The following CENPP variants were observed in gnomAD, a reference collection of about 807,000 sequenced individuals.
CENPP encodes the protein centromere protein P.
Under a neutral mutation model 35.6 loss-of-function variants are expected in CENPP, and 24 were observed. The ratio of observed to expected loss-of-function variants is 0.67; its 90% CI spans 0.49 to 0.95. The LOEUF is 0.95. Ranked by LOEUF, CENPP falls within the 40% of genes least tolerant of loss-of-function variation. CENPP has a pLI of 0.00. For missense variants in CENPP, 332 were observed against 345.3 expected, an observed-to-expected ratio of 0.96 and a Z score of 0.31; for synonymous variants, 120 against 125.5, an observed-to-expected ratio of 0.96 and a Z score of 0.29.
chr9:92,518,055 G>A (rs1462927467), intron 5 of CENPP, among the ~76,000 whole-genome samples: 1 of 152,154 alleles, frequency 6.6e-6, no homozygotes, highest in Non-Finnish European at 1.5e-5. Flanking sequence ...GCTTTTCACA[G>A]GCTCTCCTCT....
intron 5 of CENPP, among the ~76,000 whole-genome samples, chr9:92,570,086 G>A (rs1299507023): frequency 6.6e-6 from 1 of 152,078 alleles, no homozygotes; most frequent in African/African-American, 2.4e-5. Context: ...TCTCCCGCCT[G>A]ATTGCTCTGG....
intron 5 of CENPP, among the ~76,000 whole-genome samples, chr9:92,504,829 G>A (rs1447611378): frequency 3.3e-5 from 5 of 152,202 alleles, no homozygotes; most frequent in Non-Finnish European, 7.3e-5. Context: ...GTGAGCCACT[G>A]CACGGTCCAC....
intron 5 of CENPP, among the ~76,000 whole-genome samples, chr9:92,581,380 C>G (rs955474622): frequency 6.6e-6 from 1 of 151,624 alleles, no homozygotes; most frequent in Non-Finnish European, 1.5e-5. Flanking sequence ...CAAATAAGAT[C>G]CAAAATATAT....
chr9:92,609,927 G>A (rs535532943), intron 5 of CENPP, among the ~76,000 whole-genome samples: 112 of 152,196 alleles, frequency 7.4e-4, no homozygotes, highest in Non-Finnish European at 1.2e-3. Flanking sequence ...GTAGAGACGG[G>A]CTTTCACCAT....
intron 5 of CENPP, chr9:92,417,507 C>T (rs777123276): frequency 6.2e-7 from 1 of 1,609,800 alleles, no homozygotes. Context: ...TGGCAATGTA[C>T]TTTGACTCCA....
chr9:92,604,142 T>C (rs1176712600), intron 5 of CENPP, among the ~76,000 whole-genome samples: 1 of 152,240 alleles, frequency 6.6e-6, no homozygotes, highest in East Asian at 1.9e-4. Flanking sequence ...CTGCCAAACT[T>C]ATCCAATTCC....
chr9:92,595,575 G>GTT (rs369954270), intron 5 of CENPP, among the ~76,000 whole-genome samples: 20 of 147,878 alleles, frequency 1.4e-4, no homozygotes, highest in Admixed American at 8.8e-4. Flanking sequence ...TTTGTTTTTT[G>GTT]TTTTTTTTTT....
At chr9:92,425,311 A>G (rs1311754800) in intron 5 of CENPP, among the ~76,000 whole-genome samples, 1 of 152,190 alleles carries the variant, frequency 6.6e-6, no homozygotes, top group Non-Finnish European at 1.5e-5. Flanking sequence ...TGTTTTTACT[A>G]TTGCACAAAA....
intron 5 of CENPP, among the ~76,000 whole-genome samples, chr9:92,509,322 T>C (rs1229567203): frequency 1.3e-5 from 2 of 152,186 alleles, no homozygotes; most frequent in African/African-American, 4.8e-5. Flanking sequence ...AGCATGTGCT[T>C]TCTTTGTAGG....
At chr9:92,567,884 C>T (rs1160494622) in intron 5 of CENPP, among the ~76,000 whole-genome samples, 1 of 151,732 alleles carries the variant, frequency 6.6e-6, no homozygotes, top group African/African-American at 2.4e-5. Context: ...GCTTAAATAC[C>T]TCACTACAAA....
chr9:92,551,706 T>C (rs1021979098), intron 5 of CENPP, among the ~76,000 whole-genome samples: 31 of 151,812 alleles, frequency 2.0e-4, no homozygotes, highest in Admixed American at 1.8e-3. Flanking sequence ...CCAAAGTCCA[T>C]TGTATCATTC....
intron 5 of CENPP, among the ~76,000 whole-genome samples, chr9:92,570,492 G>T (rs1850107052): frequency 6.6e-6 from 1 of 152,136 alleles, no homozygotes; most frequent in Non-Finnish European, 1.5e-5. Context: ...GTATTTTATT[G>T]AGGATTTTTG....
At chr9:92,334,916 G>T (rs780054137) in intron 2 of CENPP, among the ~76,000 whole-genome samples, 6 of 151,910 alleles carry the variant, frequency 3.9e-5, no homozygotes, top group Non-Finnish European at 7.4e-5. Context: ...GCCGGTTGTG[G>T]TGGCTCATAC....
chr9:92,569,106 TG>T (rs1850069797), intron 5 of CENPP, among the ~76,000 whole-genome samples: 1 of 152,354 alleles, frequency 6.6e-6, no homozygotes, highest in Non-Finnish European at 1.5e-5. Context: ...TTGTCAATTT[TG>T]GCTTTTGTTG....
chr9:92,514,337 C>T (rs1009200189), intron 5 of CENPP, among the ~76,000 whole-genome samples: 1 of 149,790 alleles, frequency 6.7e-6, no homozygotes, highest in Non-Finnish European at 1.5e-5. Flanking sequence ...AACAGTGGCT[C>T]AATCTCAGCT....
intron 5 of CENPP, chr9:92,512,229 G>C: frequency 3.1e-6 from 2 of 649,344 alleles, no homozygotes; most frequent in Non-Finnish European, 5.2e-6. Flanking sequence ...GCTTTGTCTG[G>C]AGGAGAAAGC....
In CENPP at chr9:92,595,542, AGTTTTTT is replaced by A. The variant is rs373793428; in HGVS notation, c.565-15758_565-15752del. Among the ~76,000 whole-genome samples the A allele has an allele frequency of 9.2e-4, 139 of 151,350 alleles. 1 individual carries two copies. Among genetic ancestry groups the A allele is most frequent in the African/African-American group, 3.1e-3 (126 of 41,230 alleles). On this transcript the variant is annotated intron_variant, in intron 5 of 7. Coordinates refer to ENST00000375587, the MANE Select transcript of CENPP (RefSeq NM_001012267.3). Reference sequence around the variant, plus strand: ...CAGGCATGAACTCCCAAGTCTGCTCAGTTTTTTGTTTTTTGTTTTTGTTTTGTTTTTT... The same window carrying A: ...CAGGCATGAACTCCCAAGTCTGCTCAGTTTTTTGTTTTTGTTTTGTTTTTT...
chr9:92,500,548 C>T (rs575720195), intron 5 of CENPP, among the ~76,000 whole-genome samples: 5 of 152,316 alleles, frequency 3.3e-5, no homozygotes, highest in African/African-American at 1.2e-4. Flanking sequence ...ATAATGAATC[C>T]TCACATACCT....
intron 5 of CENPP, among the ~76,000 whole-genome samples, chr9:92,535,583 T>C (rs1849117830): frequency 6.6e-6 from 1 of 152,138 alleles, no homozygotes; most frequent in Non-Finnish European, 1.5e-5. Flanking sequence ...GAGATGTCTA[T>C]TATCTATTTT....
Sources: gnomAD v4.1 joint callset for allele counts (sites outside exome capture counted in the v4.1 genomes callset) on GRCh38, gnomAD v4.1.1 for gene constraint, MANE v1.5 for transcripts, NCBI Gene and HGNC (gene_info 2026-07-23, HGNC 2026-07-21) for gene names.